CNTNAP5: variants seen among roughly 807,000 people sequenced by gnomAD.
The protein encoded by CNTNAP5 is contactin associated protein family member 5, also known as contactin-associated protein-like 5.
Under a neutral mutation model 150.2 loss-of-function variants are expected in CNTNAP5, and 72 were observed. That is an observed-to-expected ratio of 0.48 (90% CI 0.40 to 0.58). The LOEUF is 0.58. CNTNAP5 is among the 20% of genes least tolerant of loss of function. CNTNAP5 has a pLI of 0.00. For missense variants in CNTNAP5, 1,636 were observed against 1,626.2 expected (o/e 1.01, Z -0.10); for synonymous variants, 672 against 619.8 (o/e 1.08, Z -1.25).
At chr2:124,044,290 G>A (rs765581213) in intron 1 of CNTNAP5, among the ~76,000 whole-genome samples, 5 of 152,100 alleles carry the variant, frequency 3.3e-5, no homozygotes, top group Non-Finnish European at 5.9e-5. Context: ...TGTTTAGAGT[G>A]TCCAAGTAAC....
intron 7 of CNTNAP5, among the ~76,000 whole-genome samples, chr2:124,476,426 AGT>A (rs1316455091): frequency 2.7e-5 from 4 of 147,054 alleles, no homozygotes; most frequent in Admixed American, 6.7e-5. Context: ...TGTGATCTGC[AGT>A]GACATCACAG....
chr2:124,305,073 C>G (rs1238528665), intron 3 of CNTNAP5, among the ~76,000 whole-genome samples: 4 of 131,508 alleles, frequency 3.0e-5, no homozygotes, highest in African/African-American at 5.8e-5. Context: ...TAAGACCAGC[C>G]TGGGCAATAT....
At chr2:124,755,628 A>C (rs533684065) in intron 14 of CNTNAP5, among the ~76,000 whole-genome samples, 132 of 152,258 alleles carry the variant, frequency 8.7e-4, no homozygotes, top group African/African-American at 3.1e-3. Context: ...TCCGTGGTCC[A>C]TGGCAATGCT....
intron 19 of CNTNAP5, among the ~76,000 whole-genome samples, chr2:124,838,377 C>T (rs1481051618): frequency 3.5e-4 from 53 of 152,062 alleles, no homozygotes; most frequent in Admixed American, 3.3e-3. Flanking sequence ...ACGATTCTGG[C>T]CTGCCTCTCA....
chr2:124,425,286 G>A (rs762759726), intron 4 of CNTNAP5, among the ~76,000 whole-genome samples: 17 of 152,126 alleles, frequency 1.1e-4, no homozygotes, highest in Middle Eastern at 3.2e-3. Context: ...GTCAACTACC[G>A]TAAGGGAGAA....
At position 124,305,967 on chromosome 2, in the gene CNTNAP5, A is replaced by G. The variant is rs115647767; in HGVS notation, c.381+63574A>G. Among the ~76,000 whole-genome samples the G allele has an allele frequency of 4.5e-3, 692 of 152,216 alleles. 4 individuals are homozygous for G. Among genetic ancestry groups the G allele is most frequent in the Non-Finnish European group, 8.1e-3 (549 of 68,024 alleles). On this transcript the variant is annotated intron_variant, in intron 3 of 23. Coordinates refer to ENST00000682447, the MANE Select transcript of CNTNAP5 (RefSeq NM_001367498.1). ...ATATGTCTCTGCTCAGTTCTCAAAT[A>G]TTGTTTTTAATCAGGTCTCATCTTT...
chr2:124,182,877 C>G (rs1280013489), intron 1 of CNTNAP5, among the ~76,000 whole-genome samples: 2 of 152,118 alleles, frequency 1.3e-5, no homozygotes, highest in Non-Finnish European at 2.9e-5. Flanking sequence ...TCCATACCAG[C>G]CAAGTTATTT....
chr2:124,210,772 A>G (rs1289707435), intron 1 of CNTNAP5, among the ~76,000 whole-genome samples: 1 of 152,172 alleles, frequency 6.6e-6, no homozygotes, highest in East Asian at 1.9e-4. Flanking sequence ...TACTGCCTGT[A>G]TAAGTGCAGA....
At chr2:124,041,880 G>C (rs965518751) in intron 1 of CNTNAP5, among the ~76,000 whole-genome samples, 1 of 152,074 alleles carries the variant, frequency 6.6e-6, no homozygotes, top group Non-Finnish European at 1.5e-5. Context: ...TATATAATTT[G>C]AGACAGAGTC....
chr2:124,211,211 G>A (rs1447827896), intron 1 of CNTNAP5, among the ~76,000 whole-genome samples: 1 of 152,192 alleles, frequency 6.6e-6, no homozygotes, highest in Non-Finnish European at 1.5e-5. Flanking sequence ...GTAGTAGATA[G>A]TCCTGGGAAT....
intron 1 of CNTNAP5, among the ~76,000 whole-genome samples, chr2:124,139,475 T>A (rs371652677): frequency 6.6e-6 from 1 of 152,126 alleles, no homozygotes; most frequent in East Asian, 1.9e-4. Context: ...CTGCCCTCTC[T>A]TGGTGTAGAC....
At chr2:124,095,685 G>T (rs1573749933) in intron 1 of CNTNAP5, among the ~76,000 whole-genome samples, 1 of 152,110 alleles carries the variant, frequency 6.6e-6, no homozygotes, top group South Asian at 2.1e-4. Context: ...TCTCTCTTCT[G>T]TTGCCTCCCA....
chr2:124,713,318 C>CCTTCCTTCCTTT (rs1402534251), intron 13 of CNTNAP5, among the ~76,000 whole-genome samples: 5 of 43,966 alleles, frequency 1.1e-4, no homozygotes, highest in African/African-American at 3.1e-4. Flanking sequence ...CTCTTTCTTT[C>CCTTCCTTCCTTT]CTTTCTTTCT....
At chr2:124,894,978 C>T (rs1678272815) in intron 21 of CNTNAP5, among the ~76,000 whole-genome samples, 1 of 151,490 alleles carries the variant, frequency 6.6e-6, no homozygotes, top group Admixed American at 6.6e-5. Context: ...TGATTCAGCA[C>T]TCACTGTCTT....
intron 1 of CNTNAP5, among the ~76,000 whole-genome samples, chr2:124,164,384 C>A (rs1045139740): frequency 2.6e-5 from 4 of 152,146 alleles, no homozygotes; most frequent in African/African-American, 9.7e-5. Flanking sequence ...CCTGCTCATT[C>A]ATAGATAGAT....
At chr2:124,680,367 A>T (rs7601415) in intron 13 of CNTNAP5, among the ~76,000 whole-genome samples, 85,444 of 151,768 alleles carry the variant, frequency 0.56, 25,135 homozygotes, top group African/African-American at 0.65. Context: ...AAGTCACCTA[A>T]GTGAGTACCA....
At chr2:124,412,623 A>G (rs904944501) in intron 3 of CNTNAP5, among the ~76,000 whole-genome samples, 2,362 of 146,316 alleles carry the variant, frequency 0.016, 59 homozygotes, top group South Asian at 0.052. Flanking sequence ...AAAACAAGCA[A>G]TGGGGAAAGG....
At chr2:124,190,277 C>A (rs56369586) in intron 1 of CNTNAP5, among the ~76,000 whole-genome samples, 27,898 of 152,120 alleles carry the variant, frequency 0.18, 2,712 homozygotes, top group Non-Finnish European at 0.21. Context: ...TGTTTTTGAG[C>A]AAACTTCAAG....
At chr2:124,831,196 T>C (rs1373306299) in intron 19 of CNTNAP5, among the ~76,000 whole-genome samples, 3 of 152,042 alleles carry the variant, frequency 2.0e-5, no homozygotes, top group South Asian at 2.1e-4. Flanking sequence ...AACTATATCA[T>C]GACTTACCCA....
Sources: gnomAD v4.1 joint callset for allele counts (sites outside exome capture counted in the v4.1 genomes callset) on GRCh38, gnomAD v4.1.1 for gene constraint, MANE v1.5 for transcripts, NCBI Gene and HGNC (gene_info 2026-07-23, HGNC 2026-07-21) for gene names.